The following DPP9 variants were observed in gnomAD, a reference collection of about 807,000 sequenced individuals.
DPP9 encodes the protein dipeptidyl peptidase IV-related protein-2.
DPP9 carries 50 observed loss-of-function variants against 110.7 expected under a neutral mutation model. That is an observed-to-expected ratio of 0.45 (90% CI 0.36 to 0.57). The LOEUF (loss-of-function observed/expected upper bound fraction) is 0.57. Ranked by LOEUF, DPP9 falls within the 20% of genes least tolerant of loss-of-function variation. The pLI is 0.00. For synonymous variants in DPP9, 561 were observed against 514.4 expected, an observed-to-expected ratio of 1.09 and a Z score of -1.23; for missense variants, 1,022 against 1,217.9, an observed-to-expected ratio of 0.84 and a Z score of 2.39.
At chr19:4,722,345 C>G (rs1185461359) in intron 2 of DPP9, 154 bp downstream of exon 2, 1 of 586,082 alleles carries the variant, frequency 1.7e-6, no homozygotes, top group African/African-American at 1.9e-5. Flanking sequence ...CTCCAGCAGG[C>G]GCACAAAAAA....
chr19:4,679,668 G>A (rs947535447), intron 21 of DPP9, 167 bp downstream of exon 21: 1 of 608,886 alleles, frequency 1.6e-6, no homozygotes, highest in Non-Finnish European at 2.9e-6. Flanking sequence ...CAATGGCCCT[G>A]GGAGCTGGGA....
chr19:4,709,198 G>A (rs568095288), intron 4 of DPP9, among the ~76,000 whole-genome samples: 10 of 151,906 alleles, frequency 6.6e-5, no homozygotes, highest in Non-Finnish European at 1.3e-4. Flanking sequence ...GATTACAGGC[G>A]TGAGCCACCA....
chr19:4,690,248 G>T (rs886677685), intron 14 of DPP9, among the ~76,000 whole-genome samples: 3 of 152,354 alleles, frequency 2.0e-5, no homozygotes, highest in African/African-American at 7.2e-5. Flanking sequence ...CTTCACCTGT[G>T]CTGGGATGCT....
chr19:4,683,677 C>A lies in DPP9; in HGVS notation c.2179-48G>T, dbSNP rs758788921. 3 of 1,612,888 alleles carry A rather than the reference C, an allele frequency of 1.9e-6. No individual in the cohort carries two copies. The Middle Eastern group carries it at 4.9e-4, about 266-fold the overall frequency. On this transcript the variant is annotated intron_variant, in intron 18 of 21. Coordinates refer to ENST00000262960, the MANE Select transcript of DPP9 (RefSeq NM_139159.5). ...TCTCAGTGGCCTCCTCCCGGTATGTCCCTCCCCTGCAGTGACACCTCTGCT... is the reference window on the plus strand; with the variant it reads ...TCTCAGTGGCCTCCTCCCGGTATGTACCTCCCCTGCAGTGACACCTCTGCT...
At chr19:4,705,545 C>T (rs568226862) in intron 5 of DPP9, among the ~76,000 whole-genome samples, 1 of 152,370 alleles carries the variant, frequency 6.6e-6, no homozygotes, top group African/African-American at 2.4e-5. Flanking sequence ...CAACTATCCC[C>T]AGAGAGCCAA....
At chr19:4,713,345 C>T (rs551210652) in intron 4 of DPP9, among the ~76,000 whole-genome samples, 20 of 152,346 alleles carry the variant, frequency 1.3e-4, no homozygotes, top group East Asian at 5.8e-4. Flanking sequence ...GCCCACCTCA[C>T]GGGAGCCAGG....
intron 20 of DPP9, among the ~76,000 whole-genome samples, chr19:4,680,214 C>T (rs951367575): frequency 8.8e-5 from 12 of 135,606 alleles, no homozygotes; most frequent in African/African-American, 2.3e-4. Context: ...CCAGCCTGGG[C>T]GACAGATGGA....
chr19:4,694,690 T>C lies in DPP9; in HGVS notation c.1487A>G (p.Asp496Gly). 1 of 1,612,694 alleles carries C rather than the reference T, an allele frequency of 6.2e-7. No homozygotes were observed. The highest frequency in any genetic ancestry group is 8.5e-7 in the Non-Finnish European group (1 of 1,179,374). ...VTAVLKSQGYDWSEPFSPGED... is the reference protein window; with the variant it reads ...VTAVLKSQGYGWSEPFSPGED... ...CCCGGGGCTGAAGGGCTCACTCCAATCGTAGCCCTGGGATTTTAAAACGGC... is the reference window on the plus strand; with the variant it reads ...CCCGGGGCTGAAGGGCTCACTCCAACCGTAGCCCTGGGATTTTAAAACGGC... Residue 496 changes from aspartate to glycine, a missense_variant, in exon 13 of 22, where the codon GAT becomes GGT. By Grantham distance (94) the Asp-to-Gly change is moderately conservative. This residue lies in a region of DPP9 where 810 missense variants were observed against 920.6 expected (regional missense o/e 0.88). Coordinates refer to ENST00000262960, the MANE Select transcript of DPP9 (RefSeq NM_139159.5). The surrounding 1 kb of genome is among the most constrained non-coding windows in gnomAD (Gnocchi z 4.0).
rs527299096 is a variant in DPP9 at position 4,694,742 on chromosome 19, C to T, written c.1435G>A (p.Gly479Ser). 15 of 1,613,848 alleles carry T rather than the reference C, an allele frequency of 9.3e-6. No individual in the cohort carries two copies. Among genetic ancestry groups the T allele is most frequent in the East Asian group, 6.7e-5 (3 of 44,886 alleles). The change falls in exon 13 of 22, where the codon GGC becomes AGC. Residue 479 changes from glycine to serine, a missense_variant. Coordinates refer to ENST00000262960, the MANE Select transcript of DPP9 (RefSeq NM_139159.5). The surrounding 1 kb of genome is among the most constrained non-coding windows in gnomAD (Gnocchi z 4.0). ...CFLRANECKTGFCHLYKVTAV... is the reference protein window; with the variant it reads ...CFLRANECKTSFCHLYKVTAV... Reference sequence around the variant, plus strand: ...GTGACTTTGTACAAATGGCAGAAGCCGGTCTTGCATTCATTGGCGCGGAGA... The same window carrying T: ...GTGACTTTGTACAAATGGCAGAAGCTGGTCTTGCATTCATTGGCGCGGAGA...
At chr19:4,701,351 C>A (rs1020851300) in intron 9 of DPP9, among the ~76,000 whole-genome samples, 1 of 152,054 alleles carries the variant, frequency 6.6e-6, no homozygotes, top group African/African-American at 2.4e-5. Flanking sequence ...ACCTGTAGTC[C>A]CAGCTACCTG....
chr19:4,704,441 G>C lies in DPP9; in HGVS notation c.427-137C>G. On this transcript the variant is annotated intron_variant, in intron 5 of 21. Transcript: ENST00000262960. This position sits in a 1 kb window ranked among gnomAD's most constrained non-coding sequence, Gnocchi z 6.0. ...TCGCCAGAGAGAACTTCCTGTACTGGGCAGAATTGGCTGCCGGAGCCCTTG... is the reference window on the plus strand; with the variant it reads ...TCGCCAGAGAGAACTTCCTGTACTGCGCAGAATTGGCTGCCGGAGCCCTTG... 9.3e-7 allele frequency: 1 copy of C among 1,078,036 alleles called. No homozygotes were observed. The highest frequency in any genetic ancestry group is 1.3e-6 in the Non-Finnish European group (1 of 754,664). The allele number at this position is 1,078,036 out of a possible 1,614,324, so 66.8% of individuals were successfully genotyped here.
At chr19:4,711,811 G>A (rs1233049299) in intron 4 of DPP9, among the ~76,000 whole-genome samples, 1 of 150,076 alleles carries the variant, frequency 6.7e-6, no homozygotes, top group Non-Finnish European at 1.5e-5. Flanking sequence ...GAGGCAGAGG[G>A]GAATTTCAGA....
chr19:4,681,593 TTCTCTC>T (rs1024178516), intron 20 of DPP9, among the ~76,000 whole-genome samples: 1 of 142,130 alleles, frequency 7.0e-6, no homozygotes, highest in Non-Finnish European at 1.5e-5. Context: ...TTGAGACAGT[TTCTCTC>T]TGTTGCCCAG....
chr19:4,714,037 C>T (rs781192236), intron 4 of DPP9, 44 bp downstream of exon 4: 2 of 1,564,148 alleles, frequency 1.3e-6, no homozygotes, highest in Non-Finnish European at 1.7e-6. Context: ...AACTGTGGTC[C>T]CAGATGCTGT....
Position 4,705,970 on chromosome 19 carries a change from C to T in DPP9, c.314G>A (p.Gly105Glu). 6.2e-7 allele frequency: 1 copy of T among 1,612,814 alleles called. No homozygotes were observed. The highest frequency in any genetic ancestry group is 8.5e-7 in the Non-Finnish European group (1 of 1,179,168). The part of the protein sequence containing the change: ...GPHSHRLYYL[G>E]MPYGSRENSL... ...GTTCTCTCGGCTGCCATATGGCATT[C>T]CTAAAGGGAGAAAGGAAACACCCAG... The change falls in exon 5 of 22, where the codon GGA becomes GAA. Residue 105 changes from glycine to glutamate, a missense_variant and splice_region_variant. Gly to Glu is a moderately conservative substitution (Grantham distance 98). This residue lies in a region of DPP9 where 810 missense variants were observed against 920.6 expected (regional missense o/e 0.88). Transcript: ENST00000262960.
rs143339815 is a variant in DPP9 at position 4,718,090 on chromosome 19, T to C, written c.56+1761A>G. ...GATCTGTGATCTCCTTTTTAAATTTTTCATTTTTTTTAAGAGATGGGGTCT... is the reference window on the plus strand; with the variant it reads ...GATCTGTGATCTCCTTTTTAAATTTCTCATTTTTTTTAAGAGATGGGGTCT... On this transcript the variant is annotated intron_variant, in intron 3 of 21. Transcript: ENST00000262960. This position sits in a 1 kb window ranked among gnomAD's most constrained non-coding sequence, Gnocchi z 4.3. 2.6e-4 allele frequency among the ~76,000 whole-genome samples: 39 copies of C among 152,316 alleles called. No individual in the cohort carries two copies. Among genetic ancestry groups the C allele is most frequent in the African/African-American group, 8.4e-4 (35 of 41,570 alleles).
rs532750756 is a variant in DPP9, at chr19:4,722,625, C to T, written c.-88-74G>A. On this transcript the variant is annotated intron_variant, in intron 1 of 21. Coordinates refer to ENST00000262960, the MANE Select transcript of DPP9 (RefSeq NM_139159.5). ...GGCCAGCCGTTCAGCCTCCCCCACT[C>T]AGGAGCTGCAGACTGTCAGGCCCGA... is the stretch of plus-strand genomic sequence containing the variant. 40 of 698,694 alleles carry T rather than the reference C, an allele frequency of 5.7e-5. No homozygotes were observed. The African/African-American group carries it at 6.5e-4, about 11-fold the overall frequency. The allele number at this position is 698,694 out of a possible 1,614,324, so 43.3% of individuals were successfully genotyped here. A position where few individuals can be genotyped will look rare whatever the true frequency, so the allele number is the denominator to read the frequency against.
At chr19:4,691,770 T>G (rs572836911) in intron 13 of DPP9, among the ~76,000 whole-genome samples, 75 of 148,274 alleles carry the variant, frequency 5.1e-4, no homozygotes, top group African/African-American at 1.7e-3. Context: ...CTCCGTCTCC[T>G]GGGTTCAAGT....
chr19:4,720,007 G>GC (rs1472072070), intron 2 of DPP9, 66 bp from the exon 3 acceptor site: 1 of 1,268,062 alleles, frequency 7.9e-7, no homozygotes, highest in Non-Finnish European at 1.1e-6. Flanking sequence ...GGGCGCTCCT[G>GC]CCCCCTTCGC....
Sources: allele counts gnomAD v4.1 joint callset (sites outside exome capture counted in the v4.1 genomes callset), GRCh38; gene constraint gnomAD v4.1.1; regional missense constraint gnomAD v4.1.1; non-coding constraint Gnocchi (gnomAD v3.1); transcripts MANE v1.5; gene names NCBI Gene and HGNC (gene_info 2026-07-23, HGNC 2026-07-21).